Variants in GFOD1 observed in about 807,000 individuals in gnomAD.
The protein encoded by GFOD1 is Gfo/Idh/MocA-like oxidoreductase domain containing 1, also known as glucose-fructose oxidoreductase domain-containing protein 1.
Under a neutral mutation model 25.4 loss-of-function variants are expected in GFOD1, and 9 were observed. The ratio of observed to expected loss-of-function variants is 0.35; its 90% CI spans 0.21 to 0.62. The LOEUF (loss-of-function observed/expected upper bound fraction) is 0.62. Among genes scored for constraint, GFOD1 ranks in the 20% least tolerant of loss-of-function variants. GFOD1 has a pLI of 0.72. For synonymous variants in GFOD1, 253 were observed against 245.6 expected (o/e 1.03, Z -0.28); for missense variants, 403 against 556.9 (o/e 0.72, Z 2.78).
At chr6:13,459,472 A>G (rs1194318167) in intron 1 of GFOD1, among the ~76,000 whole-genome samples, 2 of 152,156 alleles carry the variant, frequency 1.3e-5, no homozygotes, top group South Asian at 4.1e-4. Flanking sequence ...TGAAACTGCC[A>G]AAAGCAATTG....
chr6:13,434,682 G>A (rs1373847115), intron 1 of GFOD1, among the ~76,000 whole-genome samples: 1 of 152,226 alleles, frequency 6.6e-6, no homozygotes, highest in Non-Finnish European at 1.5e-5. Context: ...GGAAGGAGAA[G>A]TAGACATCCA....
intron 1 of GFOD1, among the ~76,000 whole-genome samples, chr6:13,404,559 A>G (rs59528213): frequency 7.9e-4 from 120 of 152,338 alleles, no homozygotes; most frequent in East Asian, 5.2e-3. Context: ...AGATACCACC[A>G]GCCTCAAAAG....
At chr6:13,461,807 C>T (rs962971496) in intron 1 of GFOD1, among the ~76,000 whole-genome samples, 3 of 152,226 alleles carry the variant, frequency 2.0e-5, no homozygotes, top group Non-Finnish European at 4.4e-5. Flanking sequence ...CCAGGCTCAG[C>T]CTCTACCAAG....
At chr6:13,413,891 T>C (rs1786120785) in intron 1 of GFOD1, among the ~76,000 whole-genome samples, 1 of 152,182 alleles carries the variant, frequency 6.6e-6, no homozygotes, top group Non-Finnish European at 1.5e-5. Flanking sequence ...CCTTAGGAAT[T>C]ATGCAGCACA....
At chr6:13,485,676 C>T (rs1310661634) in intron 1 of GFOD1, among the ~76,000 whole-genome samples, 1 of 152,164 alleles carries the variant, frequency 6.6e-6, no homozygotes, top group Non-Finnish European at 1.5e-5. Context: ...TTCAGACTGC[C>T]TGGGAGTTGA....
At chr6:13,442,967 T>C (rs1757940544) in intron 1 of GFOD1, among the ~76,000 whole-genome samples, 1 of 152,216 alleles carries the variant, frequency 6.6e-6, no homozygotes, top group South Asian at 2.1e-4. Context: ...GAAGGATCTG[T>C]GCAAAGTACA....
At chr6:13,436,729 G>T (rs1216077456) in intron 1 of GFOD1, among the ~76,000 whole-genome samples, 1 of 152,196 alleles carries the variant, frequency 6.6e-6, no homozygotes, top group African/African-American at 2.4e-5. Context: ...CACCTTGACC[G>T]CTATTGCTGA....
intron 1 of GFOD1, among the ~76,000 whole-genome samples, chr6:13,481,296 G>C (rs2127579695): frequency 6.6e-6 from 1 of 152,288 alleles, no homozygotes; most frequent in South Asian, 2.1e-4. Context: ...GAATGAGCTA[G>C]CCATTCCAAA....
rs138729084 is a variant in GFOD1 at position 13,441,458 on chromosome 6, A to G, written c.253+45180T>C. ...CAAAAAGGAGAAAATAACTGAATTT[A>G]GGGTTCTGTCCGATTTCATACGTTG... On this transcript the variant is annotated intron_variant, in intron 1 of 1. Coordinates refer to ENST00000379287, the MANE Select transcript of GFOD1 (RefSeq NM_018988.4). 6.5e-4 allele frequency among the ~76,000 whole-genome samples: 99 copies of G among 152,358 alleles called. 3 individuals carry two copies. In the East Asian group the frequency reaches 0.018, roughly 27 times the overall value.
At position 13,360,613 on chromosome 6, in the gene GFOD1, A is replaced by G. The variant is rs530828564; in HGVS notation, c.*4130T>C. 39 of 436,878 alleles carry G rather than the reference A, an allele frequency of 8.9e-5. No individual in the cohort carries two copies. Among genetic ancestry groups the G allele is most frequent in the Admixed American group, 7.7e-4 (32 of 41,718 alleles). The allele number at this position is 436,878 out of a possible 1,614,324, so 27.1% of individuals were successfully genotyped here. On this transcript the variant is annotated 3_prime_UTR_variant, in exon 2 of 2. Transcript: ENST00000379287. ...CACCTACAATCAAAATGAACATAGG[A>G]AGTCAATTTTAAAAAAGGCTGAGTG...
intron 1 of GFOD1, among the ~76,000 whole-genome samples, chr6:13,409,319 AGGAAGGAAG>A (rs1441484148): frequency 7.4e-6 from 1 of 134,416 alleles, no homozygotes; most frequent in Non-Finnish European, 1.7e-5. Flanking sequence ...GAAGGAAGAA[AGGAAGGAAG>A]GAGAGAAAGA....
intron 1 of GFOD1, among the ~76,000 whole-genome samples, chr6:13,385,071 G>A (rs1785436905): frequency 6.6e-6 from 1 of 152,170 alleles, no homozygotes; most frequent in Non-Finnish European, 1.5e-5. Context: ...GTATCTCCCA[G>A]CTGTACCCTA....
At chr6:13,421,918 C>T (rs777695751) in intron 1 of GFOD1, among the ~76,000 whole-genome samples, 9 of 152,188 alleles carry the variant, frequency 5.9e-5, no homozygotes, top group Non-Finnish European at 1.0e-4. Context: ...AATAAAGCAA[C>T]GGCTGCGTTT....
rs508477 is a variant in GFOD1 at position 13,364,112 on chromosome 6, C to T, written c.*631G>A. 0.043 allele frequency: 6,564 copies of T among 152,492 alleles called. 276 individuals are homozygous for T. The highest frequency in any genetic ancestry group is 0.1 in the African/African-American group (4,346 of 41,524). 9.4% of individuals were successfully genotyped at this position (152,492 alleles called of 1,614,324 possible). ...GGGCAATGAACCAAGTACAAAGACA[C>T]ACCCTCAGTGCTTCCTATGAGGAAG... On this transcript the variant is annotated 3_prime_UTR_variant, in exon 2 of 2. Transcript: ENST00000379287. The surrounding 1 kb of genome is among the most constrained non-coding windows in gnomAD (Gnocchi z 4.1).
At chr6:13,440,076 C>T (rs1757890777) in intron 1 of GFOD1, among the ~76,000 whole-genome samples, 1 of 152,182 alleles carries the variant, frequency 6.6e-6, no homozygotes, top group African/African-American at 2.4e-5. Context: ...TGGATGTTGG[C>T]AATCAATGAT....
chr6:13,363,467 T>G lies in GFOD1; in HGVS notation c.*1276A>C, dbSNP rs1261039946. The G allele has an allele frequency of 2.6e-5, 4 of 152,134 alleles. No individual in the cohort carries two copies. Among genetic ancestry groups the G allele is most frequent in the African/African-American group, 9.7e-5 (4 of 41,416 alleles). The allele number at this position is 152,134 out of a possible 1,614,324, so 9.4% of individuals were successfully genotyped here. On this transcript the variant is annotated 3_prime_UTR_variant, in exon 2 of 2. Transcript: ENST00000379287. ...AAACACTAGAAATAATGTTCCTTGT[T>G]GTCCTTTTGTTTTGTTTCGTTTAGT...
chr6:13,367,060 TAC>T (rs59323306), intron 1 of GFOD1, among the ~76,000 whole-genome samples: 3,904 of 152,008 alleles, frequency 0.026, 132 homozygotes, highest in African/African-American at 0.082. Flanking sequence ...AATATATTGT[TAC>T]AGTTATCATA....
At chr6:13,432,554 G>A (rs1211245866) in intron 1 of GFOD1, among the ~76,000 whole-genome samples, 2 of 152,016 alleles carry the variant, frequency 1.3e-5, no homozygotes, top group African/African-American at 4.8e-5. Context: ...AACAGAAGAG[G>A]GAGACAGGGT....
At chr6:13,376,070 A>G (rs1396236727) in intron 1 of GFOD1, among the ~76,000 whole-genome samples, 1 of 152,228 alleles carries the variant, frequency 6.6e-6, no homozygotes, top group Non-Finnish European at 1.5e-5. Flanking sequence ...AGAGGTCTAG[A>G]AACAACAGGT....
Sources: gnomAD v4.1 joint callset for allele counts (sites outside exome capture counted in the v4.1 genomes callset) on GRCh38, gnomAD v4.1.1 for gene constraint, Gnocchi (gnomAD v3.1) non-coding constraint, MANE v1.5 for transcripts, NCBI Gene and HGNC (gene_info 2026-07-23, HGNC 2026-07-21) for gene names.